The following SYNGR4 variants were observed in gnomAD, a reference collection of about 807,000 sequenced individuals.
The protein encoded by SYNGR4 is synaptogyrin-4.
A neutral mutation model predicts 15.5 loss-of-function variants in SYNGR4; 15 were observed. That is an observed-to-expected ratio of 0.97 (90% CI 0.65 to 1.49). The LOEUF is 1.49. Among genes scored for constraint, SYNGR4 ranks in the 40% most tolerant of loss-of-function variants. The probability of loss-of-function intolerance (pLI) is 0.00; values close to 1 mark genes in which losing one functional copy is unlikely to be tolerated. For missense variants in SYNGR4, 292 were observed against 299.3 expected, an observed-to-expected ratio of 0.98 and a Z score of 0.18; for synonymous variants, 121 against 127.4, an observed-to-expected ratio of 0.95 and a Z score of 0.34.
At chr19:48,369,677 C>T (rs1016209921) in intron 2 of SYNGR4, among the ~76,000 whole-genome samples, 10 of 152,162 alleles carry the variant, frequency 6.6e-5, no homozygotes, top group South Asian at 2.1e-4. Flanking sequence ...AAAATGGCTT[C>T]GATTTATCAC....
intron 2 of SYNGR4, among the ~76,000 whole-genome samples, chr19:48,367,872 A>C (rs1235717047): frequency 6.6e-6 from 1 of 152,166 alleles, no homozygotes; most frequent in Admixed American, 6.6e-5. Flanking sequence ...TGCTGCTTCC[A>C]CCACTCCGCT....
chr19:48,374,467 C>T (rs1372942147), intron 3 of SYNGR4, among the ~76,000 whole-genome samples: 1 of 152,152 alleles, frequency 6.6e-6, no homozygotes. Flanking sequence ...TGGGGCCTGA[C>T]CTCCTTCCTC....
At chr19:48,373,330 A>G in intron 2 of SYNGR4, 187 bp from the exon 3 acceptor site, 1 of 615,538 alleles carries the variant, frequency 1.6e-6, no homozygotes, top group Non-Finnish European at 2.9e-6. Flanking sequence ...ACGAGGCCTG[A>G]GCCAGGATGG....
intron 1 of SYNGR4, among the ~76,000 whole-genome samples, chr19:48,365,113 A>C (rs1160319176): frequency 3.5e-5 from 5 of 142,756 alleles, no homozygotes; most frequent in African/African-American, 5.3e-5. Context: ...ACCTCAACCC[A>C]GGGGACCCTT....
rs571003045 is a variant in SYNGR4 at position 48,367,064 on chromosome 19, G to A, written c.93+1129G>A. On this transcript the variant is annotated intron_variant, in intron 2 of 4. Coordinates refer to ENST00000344846, the MANE Select transcript of SYNGR4 (RefSeq NM_012451.4). The stretch of plus-strand genomic sequence containing the variant: ...AGTTACTTAGGGGGCTGAGGCTCAA[G>A]GATGGCTTGAGCCCATGTGGCGGAG... Among the ~76,000 whole-genome samples the A allele has an allele frequency of 4.6e-5, 7 of 152,004 alleles. No homozygotes were observed. In the East Asian group the frequency reaches 1.4e-3, roughly 30 times the overall value.
In SYNGR4 at chr19:48,375,870, T is replaced by G. The variant is rs757661823; in HGVS notation, c.471+118T>G. The G allele has an allele frequency of 2.6e-6, 4 of 1,525,058 alleles. No homozygotes were observed. In the African/African-American group the frequency reaches 5.6e-5, roughly 21 times the overall value. The allele number at this position is 1,525,058 out of a possible 1,614,324, so 94.5% of individuals were successfully genotyped here. ...TCCCCTGGGGGTCAGGGGTCGGGGG[T>G]TCCCCCAGGACTCCACTGGTCCCTT... On this transcript the variant is annotated intron_variant, in intron 4 of 4. Transcript: ENST00000344846.
At chr19:48,366,144 C>T (rs1264930826) in intron 2 of SYNGR4, among the ~76,000 whole-genome samples, 1 of 152,188 alleles carries the variant, frequency 6.6e-6, no homozygotes, top group African/African-American at 2.4e-5. Flanking sequence ...TAGTAAGGAA[C>T]AGCCCTCACA....
chr19:48,373,124 A>T (rs1970335387), intron 2 of SYNGR4: 1 of 201,300 alleles, frequency 5.0e-6, no homozygotes, highest in Admixed American at 5.2e-5. Flanking sequence ...GGAAGCGGAG[A>T]CTCTGCAGGG....
intron 2 of SYNGR4, among the ~76,000 whole-genome samples, chr19:48,372,023 G>T (rs1484507105): frequency 1.3e-5 from 2 of 151,658 alleles, no homozygotes; most frequent in East Asian, 3.9e-4. Context: ...GGGACTACAA[G>T]TATGCACCAC....
At chr19:48,369,764 A>G (rs576032882) in intron 2 of SYNGR4, among the ~76,000 whole-genome samples, 49 of 152,178 alleles carry the variant, frequency 3.2e-4, no homozygotes, top group Non-Finnish European at 2.5e-4. Flanking sequence ...CGCAGGTAAA[A>G]TGAATATGGG....
intron 1 of SYNGR4, 101 bp from the exon 2 acceptor site, chr19:48,365,635 A>ACCCCCCCACCCC: frequency 4.5e-6 from 1 of 224,172 alleles, no homozygotes; most frequent in Non-Finnish European, 8.2e-6. Flanking sequence ...CATTCCGGGG[A>ACCCCCCCACCCC]CCCCCCCCAT....
At chr19:48,366,005 A>T in intron 2 of SYNGR4, 70 bp downstream of exon 2, 1 of 1,496,374 alleles carries the variant, frequency 6.7e-7, no homozygotes, top group Non-Finnish European at 9.2e-7. Context: ...TCCCAGACAC[A>T]GTGCGGGAGA....
At chr19:48,371,340 C>T (rs1406601651) in intron 2 of SYNGR4, among the ~76,000 whole-genome samples, 2 of 145,568 alleles carry the variant, frequency 1.4e-5, no homozygotes, top group Non-Finnish European at 3.0e-5. Flanking sequence ...GCCCCAGCCT[C>T]CTCCCCACCA....
Position 48,365,921 on chromosome 19 carries a change from C to G in SYNGR4, c.79C>G (p.Arg27Gly). The change falls in exon 2 of 5, where the codon CGG becomes GGG. Residue 27 changes from arginine to glycine, a missense_variant. By Grantham distance (125) the Arg-to-Gly change is moderately radical (BLOSUM62 -2). Transcript: ENST00000344846. ...QFLRRPKTIT[R>G]VFEGVFSLIV... ...TCTGAGAAGGCCCAAGACCATCACG[C>G]GGGTCTTCGAAGGGGTGAGGCCCTC... The G allele has an allele frequency of 6.2e-7, 1 of 1,613,606 alleles. No homozygotes were observed. Among genetic ancestry groups the G allele is most frequent in the South Asian group, 1.1e-5 (1 of 91,080 alleles).
chr19:48,373,169 C>T (rs1970335994), intron 2 of SYNGR4: 1 of 298,428 alleles, frequency 3.4e-6, no homozygotes, highest in Non-Finnish European at 6.6e-6. Flanking sequence ...GGGACTCAGT[C>T]CTGAGGCACT....
At chr19:48,375,176 C>T (rs1970382080) in intron 3 of SYNGR4, among the ~76,000 whole-genome samples, 2 of 151,804 alleles carry the variant, frequency 1.3e-5, no homozygotes, top group East Asian at 2.0e-4. Flanking sequence ...CAGGTGCCCG[C>T]CACCGTGCTG....
intron 2 of SYNGR4, among the ~76,000 whole-genome samples, chr19:48,368,963 T>TCCAC (rs1190087180): frequency 4.6e-5 from 7 of 152,146 alleles, no homozygotes; most frequent in Non-Finnish European, 8.8e-5. Context: ...CCAACTCGGA[T>TCCAC]CCACCCACCT....
At chr19:48,365,001 A>G (rs974319759) in intron 1 of SYNGR4, among the ~76,000 whole-genome samples, 4 of 151,226 alleles carry the variant, frequency 2.6e-5, no homozygotes, top group African/African-American at 9.7e-5. Flanking sequence ...TGGAACCTGA[A>G]GCAGCCCCTT....
chr19:48,366,952 G>A (rs1346627973), intron 2 of SYNGR4, among the ~76,000 whole-genome samples: 3 of 151,680 alleles, frequency 2.0e-5, no homozygotes, highest in East Asian at 2.0e-4. Flanking sequence ...TCAGGAGTTC[G>A]AGACCAGCCT....
Sources: gnomAD v4.1 joint callset for allele counts (sites outside exome capture counted in the v4.1 genomes callset) on GRCh38, gnomAD v4.1.1 for gene constraint, MANE v1.5 for transcripts, NCBI Gene and HGNC (gene_info 2026-07-23, HGNC 2026-07-21) for gene names.